Variants in DDR2 observed in about 807,000 individuals in gnomAD.
The protein encoded by DDR2 is discoidin domain-containing receptor 2.
Under a neutral mutation model 94.9 loss-of-function variants are expected in DDR2, and 27 were observed. The observed-to-expected ratio is 0.28, with a 90% CI of 0.21 to 0.39. The LOEUF is 0.39. Ranked by LOEUF, DDR2 falls within the 10% of genes least tolerant of loss-of-function variation. The pLI, the probability that DDR2 is intolerant of heterozygous loss-of-function variation, is 1.00. For synonymous variants in DDR2, 382 were observed against 377.2 expected (o/e 1.01, Z -0.15); for missense variants, 783 against 1,076.0 (o/e 0.73, Z 3.81).
At chr1:162,746,911 T>G (rs936713882) in intron 3 of DDR2, among the ~76,000 whole-genome samples, 9 of 152,204 alleles carry the variant, frequency 5.9e-5, no homozygotes, top group African/African-American at 2.2e-4. Context: ...CCAACAGACC[T>G]GCAGATGAGG....
chr1:162,700,086 C>T (rs1660364931), intron 2 of DDR2, among the ~76,000 whole-genome samples: 1 of 152,242 alleles, frequency 6.6e-6, no homozygotes, highest in Non-Finnish European at 1.5e-5. Flanking sequence ...GAGAGAGCTT[C>T]TTTAAACTGC....
chr1:162,711,229 C>A (rs138988938), intron 2 of DDR2, among the ~76,000 whole-genome samples: 32 of 152,256 alleles, frequency 2.1e-4, no homozygotes, highest in African/African-American at 7.7e-4. Context: ...TCAAAGGAAC[C>A]CAGCACTGGA....
At chr1:162,705,850 A>T (rs1430574151) in intron 2 of DDR2, among the ~76,000 whole-genome samples, 1 of 152,124 alleles carries the variant, frequency 6.6e-6, no homozygotes, top group Non-Finnish European at 1.5e-5. Flanking sequence ...AATTCATGTA[A>T]ATCTTAGCAC....
intron 3 of DDR2, among the ~76,000 whole-genome samples, chr1:162,743,193 GT>G (rs897812963): frequency 6.6e-6 from 1 of 151,868 alleles, no homozygotes; most frequent in African/African-American, 2.4e-5. Context: ...CTTTTTTAGG[GT>G]GAGATAAGAC....
rs1176618886 is a variant in DDR2, at chr1:162,752,485, G to T, written c.83-610G>T. ...TTCATATATTTTGTCCTTTTTGGTT[G>T]TTTCACACTGGAGAGCAAATCTGGT... On this transcript the variant is annotated intron_variant, in intron 3 of 17. Coordinates refer to ENST00000367921, the MANE Select transcript of DDR2 (RefSeq NM_006182.4). 5.3e-5 allele frequency among the ~76,000 whole-genome samples: 8 copies of T among 152,144 alleles called. No individual in the cohort carries two copies. The East Asian group carries it at 1.2e-3, about 22-fold the overall frequency.
intron 8 of DDR2, 49 bp downstream of exon 8, chr1:162,760,028 T>C: frequency 6.2e-7 from 1 of 1,613,108 alleles, no homozygotes; most frequent in Non-Finnish European, 8.5e-7. Context: ...GCACAAATCA[T>C]AGTGTGGTAG....
At chr1:162,751,090 G>A (rs1663171364) in intron 3 of DDR2, among the ~76,000 whole-genome samples, 1 of 152,126 alleles carries the variant, frequency 6.6e-6, no homozygotes, top group African/African-American at 2.4e-5. Flanking sequence ...GCATGGGCAA[G>A]GACTTCATGA....
intron 15 of DDR2, 45 bp from the exon 16 acceptor site, chr1:162,776,091 C>T (rs1339699161): frequency 6.5e-7 from 1 of 1,533,698 alleles, no homozygotes; most frequent in Admixed American, 1.7e-5. Flanking sequence ...TTCACATCTT[C>T]CTGTTTCCAT....
At chr1:162,691,224 A>C in intron 2 of DDR2, among the ~76,000 whole-genome samples, 1 of 152,154 alleles carries the variant, frequency 6.6e-6, no homozygotes, top group East Asian at 1.9e-4. Context: ...CATGAGATTC[A>C]CAGACCTCTT....
At chr1:162,718,737 T>A (rs905703121) in intron 2 of DDR2, among the ~76,000 whole-genome samples, 1 of 152,224 alleles carries the variant, frequency 6.6e-6, no homozygotes. Context: ...TACTTTACCA[T>A]TATTCACCAT....
Position 162,776,169 on chromosome 1 carries a change from T to A in DDR2, c.2082T>A (p.Ile694=), listed in dbSNP as rs1487606368. The change falls in exon 16 of 18, where the codon ATT becomes ATA. Residue 694 remains isoleucine, a synonymous_variant. Coordinates refer to ENST00000367921, the MANE Select transcript of DDR2 (RefSeq NM_006182.4). ...YTNLKFMATQ[I]ASGMKYLSSL... ...ATCTGAAGTTTATGGCTACCCAAAT[T>A]GCCTCTGGCATGAAGTACCTTTCCT... 9 of 1,614,014 alleles carry A rather than the reference T, an allele frequency of 5.6e-6. No individual in the cohort carries two copies. The South Asian group carries it at 9.9e-5, about 18-fold the overall frequency.
chr1:162,640,896 T>A (rs1259789318), intron 1 of DDR2, among the ~76,000 whole-genome samples: 2 of 151,194 alleles, frequency 1.3e-5, no homozygotes, highest in African/African-American at 4.8e-5. Flanking sequence ...TAGCTGGGAC[T>A]ATATGTGCGT....
chr1:162,689,068 A>ACT (rs1351119438), intron 2 of DDR2, among the ~76,000 whole-genome samples: 27 of 152,348 alleles, frequency 1.8e-4, no homozygotes, highest in African/African-American at 5.3e-4. Context: ...TCCAGTGATC[A>ACT]GTGCTGGCTT....
At chr1:162,716,539 G>A (rs1356635410) in intron 2 of DDR2, among the ~76,000 whole-genome samples, 1 of 152,192 alleles carries the variant, frequency 6.6e-6, no homozygotes, top group African/African-American at 2.4e-5. Flanking sequence ...GGAACACTGA[G>A]ACATGTATTT....
intron 1 of DDR2, among the ~76,000 whole-genome samples, chr1:162,653,329 C>A (rs1163047128): frequency 1.3e-5 from 2 of 152,094 alleles, no homozygotes; most frequent in East Asian, 1.9e-4. Flanking sequence ...GTAATCCCAG[C>A]ACTTTGGGAG....
Position 162,750,732 on chromosome 1 carries a change from T to C in DDR2, c.83-2363T>C, listed in dbSNP as rs193081119. Among the ~76,000 whole-genome samples the C allele has an allele frequency of 6.2e-3, 934 of 151,466 alleles. 10 individuals carry two copies. The highest frequency in any genetic ancestry group is 0.021 in the African/African-American group (855 of 41,326). ...AACAAAGCTGGAGGCATCACACTAC[T>C]TGACTTCAAACTATACTACAAGGCT... is the stretch of plus-strand genomic sequence containing the variant. On this transcript the variant is annotated intron_variant, in intron 3 of 17. Coordinates refer to ENST00000367921, the MANE Select transcript of DDR2 (RefSeq NM_006182.4).
Position 162,785,849 on chromosome 1 carries a change from T to G in DDR2, c.*5603T>G, listed in dbSNP as rs573299251. 1 of 152,330 alleles carries G rather than the reference T, an allele frequency of 6.6e-6. No individual in the cohort carries two copies. Among genetic ancestry groups the G allele is most frequent in the South Asian group, 2.1e-4 (1 of 4,828 alleles). The allele number at this position is 152,330 out of a possible 1,614,324, so 9.4% of individuals were successfully genotyped here. A position where few individuals can be genotyped will look rare whatever the true frequency, so the allele number is the denominator to read the frequency against. ...AAATTGATCTATAGAACTGCTTAAT[T>G]TTTTGAGGCATTTAGACAGCAATGA... On this transcript the variant is annotated 3_prime_UTR_variant, in exon 18 of 18. Coordinates refer to ENST00000367921, the MANE Select transcript of DDR2 (RefSeq NM_006182.4).
rs185498272 is a variant in DDR2 at position 162,775,854 on chromosome 1, C to T, written c.2048+11C>T. Reference sequence around the variant, plus strand: ...TGTACGCACTGTCAGGTAAACAAGCCAGGTCTTCCTTCTCCTCCCTGTGGT... The same window carrying T: ...TGTACGCACTGTCAGGTAAACAAGCTAGGTCTTCCTTCTCCTCCCTGTGGT... On this transcript the variant is annotated intron_variant, in intron 15 of 17. Transcript: ENST00000367921. 1.4e-5 allele frequency: 22 copies of T among 1,613,702 alleles called. No individual in the cohort carries two copies. The African/African-American group carries it at 2.3e-4, about 17-fold the overall frequency.
intron 2 of DDR2, among the ~76,000 whole-genome samples, chr1:162,704,303 T>G (rs1045981199): frequency 1.3e-5 from 2 of 151,978 alleles, no homozygotes; most frequent in Non-Finnish European, 2.9e-5. Flanking sequence ...AGCAATGGAG[T>G]CTAACAGCCT....
Sources: allele counts gnomAD v4.1 joint callset (sites outside exome capture counted in the v4.1 genomes callset), GRCh38; gene constraint gnomAD v4.1.1; transcripts MANE v1.5; gene names NCBI Gene and HGNC (gene_info 2026-07-23, HGNC 2026-07-21).